Variants in RAB5IF observed in about 807,000 individuals in gnomAD.
RAB5IF encodes RAB5 interacting factor, also known as GEL complex subunit OPTI.
In RAB5IF, 15 loss-of-function variants were observed where a neutral mutation model predicts 20.3. The observed-to-expected ratio is 0.74, with a 90% CI of 0.50 to 1.14. The LOEUF (loss-of-function observed/expected upper bound fraction) is 1.14. Among genes scored for constraint, RAB5IF ranks in the 50% most tolerant of loss-of-function variants. The probability of loss-of-function intolerance (pLI) is 0.00; values close to 1 mark genes in which losing one functional copy is unlikely to be tolerated. For synonymous variants in RAB5IF, 67 were observed against 63.7 expected, an observed-to-expected ratio of 1.05 and a Z score of -0.25; for missense variants, 148 against 159.5, an observed-to-expected ratio of 0.93 and a Z score of 0.39.
At chr20:36,606,440 A>G (rs1384472963) in intron 1 of RAB5IF, among the ~76,000 whole-genome samples, 1 of 152,214 alleles carries the variant, frequency 6.6e-6, no homozygotes, top group Non-Finnish European at 1.5e-5. Flanking sequence ...AAGTAGCACA[A>G]ACATTAACAG....
chr20:36,609,954 C>G (rs1010290581), intron 3 of RAB5IF, among the ~76,000 whole-genome samples: 3 of 152,148 alleles, frequency 2.0e-5, no homozygotes, highest in African/African-American at 7.2e-5. Context: ...CCATCGTCAG[C>G]TTCTACATCT....
intron 3 of RAB5IF, 138 bp downstream of exon 3, chr20:36,609,868 G>C: frequency 6.7e-7 from 1 of 1,494,950 alleles, no homozygotes; most frequent in Non-Finnish European, 9.2e-7. Flanking sequence ...TCAGGGCCAT[G>C]GCCTGTGTTG....
rs540088273 is a variant in RAB5IF, at chr20:36,611,757, C to A, written c.349-253C>A. Among the ~76,000 whole-genome samples, 9 of 152,172 alleles carry A rather than the reference C, an allele frequency of 5.9e-5. No individual in the cohort carries two copies. In the South Asian group the frequency reaches 1.9e-3, roughly 32 times the overall value. ...CATTTCCACATCTGCACCTCAATTC[C>A]CTGGGCCTGGGGTTGCCATTTGGTA... On this transcript the variant is annotated intron_variant, in intron 3 of 3. Transcript: ENST00000344795.
rs1036681930 is a variant in RAB5IF, at chr20:36,612,535, T to A, written c.*484T>A. Reference sequence around the variant, plus strand: ...TGTAGAATGTTTTCACATACTTGAATAAATCAAATCTTTAATTGAGAACCT... The same window carrying A: ...TGTAGAATGTTTTCACATACTTGAAAAAATCAAATCTTTAATTGAGAACCT... On this transcript the variant is annotated 3_prime_UTR_variant, in exon 4 of 4. Transcript: ENST00000344795. 5.2e-6 allele frequency: 2 copies of A among 383,904 alleles called. No individual in the cohort carries two copies. The highest frequency in any genetic ancestry group is 4.1e-5 in the African/African-American group (2 of 48,912). 23.8% of individuals were successfully genotyped at this position (383,904 alleles called of 1,614,324 possible).
chr20:36,611,959 C>G (rs186276156), intron 3 of RAB5IF, 51 bp from the exon 4 acceptor site: 1 of 1,605,536 alleles, frequency 6.2e-7, no homozygotes, highest in East Asian at 2.2e-5. Flanking sequence ...TTTGTGGAAT[C>G]GGCCTGTGTT....
chr20:36,609,251 A>C (rs987142265), intron 2 of RAB5IF, among the ~76,000 whole-genome samples: 4 of 135,024 alleles, frequency 3.0e-5, no homozygotes, highest in Admixed American at 7.2e-5. Context: ...ACACACACAC[A>C]CACACTATAT....
intron 3 of RAB5IF, among the ~76,000 whole-genome samples, chr20:36,610,437 C>T (rs2039080465): frequency 6.6e-6 from 1 of 152,122 alleles, no homozygotes; most frequent in Non-Finnish European, 1.5e-5. Context: ...CGCGGTCGCT[C>T]ACACCTGTAA....
At chr20:36,608,060 C>T in intron 2 of RAB5IF, 7 of 987,620 alleles carry the variant, frequency 7.1e-6, no homozygotes, top group Non-Finnish European at 1.0e-5. Context: ...ATTCATGGGT[C>T]TAAAGTGACC....
Position 36,609,211 on chromosome 20 carries a change from GCACACACGCACA to G in RAB5IF, c.219-382_219-371del, listed in dbSNP as rs1360587354. 1.7e-3 allele frequency among the ~76,000 whole-genome samples: 63 copies of G among 36,624 alleles called. 1 individual carries two copies. Among genetic ancestry groups the G allele is most frequent in the Non-Finnish European group, 2.7e-3 (52 of 19,532 alleles). The allele number at this position is 36,624 out of a possible 152,430, so 24.0% of individuals were successfully genotyped here. A position where few individuals can be genotyped will look rare whatever the true frequency, so the allele number is the denominator to read the frequency against. ...CACACACACGCACACACGCACACACGCACACACGCACACACACACACACACACACACACACAC... is the reference window on the plus strand; with the variant it reads ...CACACACACGCACACACGCACACACGCACACACACACACACACACACACAC... On this transcript the variant is annotated intron_variant, in intron 2 of 3. Transcript: ENST00000344795.
intron 3 of RAB5IF, 32 bp downstream of exon 3, chr20:36,609,762 CT>C (rs2039064431): frequency 6.2e-7 from 1 of 1,613,950 alleles, no homozygotes; most frequent in African/African-American, 1.3e-5. Context: ...ACAACAGGTA[CT>C]GTTCATTTCA....
In RAB5IF at chr20:36,605,994, C is replaced by G; in HGVS notation, c.43C>G (p.Leu15Val). 3 of 1,524,686 alleles carry G rather than the reference C, an allele frequency of 2.0e-6. No individual in the cohort carries two copies. In the East Asian group the frequency reaches 7.8e-5, roughly 39 times the overall value. 94.4% of individuals were successfully genotyped at this position (1,524,686 alleles called of 1,614,324 possible). The change falls in exon 1 of 4, where the codon CTG becomes GTG. Residue 15 changes from leucine (L) to valine (V), a missense_variant. Transcript: ENST00000344795. The part of the protein sequence containing the change: ...RRKEEPPQPQ[L>V]ANGALKVSVW... Reference sequence around the variant, plus strand: ...GAAGGAGGAGCCGCCTCAGCCGCAGCTGGCCAACGGGGCCCTCAAAGTCTC... The same window carrying G: ...GAAGGAGGAGCCGCCTCAGCCGCAGGTGGCCAACGGGGCCCTCAAAGTCTC...
At chr20:36,609,181 A>G (rs2039019983) in intron 2 of RAB5IF, among the ~76,000 whole-genome samples, 1 of 39,012 alleles carries the variant, frequency 2.6e-5, no homozygotes, top group South Asian at 1.0e-3. Context: ...ACACACACAC[A>G]CACACACACA....
At chr20:36,609,129 A>T (rs2147960446) in intron 2 of RAB5IF, among the ~76,000 whole-genome samples, 1 of 146,148 alleles carries the variant, frequency 6.8e-6, no homozygotes. Flanking sequence ...CCATTCTGTT[A>T]CTTCAAGGGG....
At chr20:36,611,749 C>G (rs918148399) in intron 3 of RAB5IF, among the ~76,000 whole-genome samples, 2 of 152,042 alleles carry the variant, frequency 1.3e-5, no homozygotes, top group Non-Finnish European at 2.9e-5. Context: ...ACATCTGCAC[C>G]TCAATTCCCT....
chr20:36,609,182 C>CACACACACAA lies in RAB5IF; in HGVS notation c.219-410_219-409insAACACACACA, dbSNP rs2039020987. 5.0e-5 allele frequency among the ~76,000 whole-genome samples: 2 copies of CACACACACAA among 39,694 alleles called. 1 individual carries two copies. Among genetic ancestry groups the CACACACACAA allele is most frequent in the Non-Finnish European group, 9.6e-5 (2 of 20,788 alleles). The allele number at this position is 39,694 out of a possible 152,430, so 26.0% of individuals were successfully genotyped here. On this transcript the variant is annotated intron_variant, in intron 2 of 3. Coordinates refer to ENST00000344795, the MANE Select transcript of RAB5IF (RefSeq NM_018840.5). ...ACACACACACACACACACACACACA[C>CACACACACAA]ACACACACACACGCACACACGCACA...
Position 36,607,808 on chromosome 20 carries a change from G to A in RAB5IF, c.208G>A (p.Gly70Arg), listed in dbSNP as rs1464493523. 1 of 1,613,660 alleles carries A rather than the reference G, an allele frequency of 6.2e-7. No homozygotes were observed. Among genetic ancestry groups the A allele is most frequent in the Non-Finnish European group, 8.5e-7 (1 of 1,179,832 alleles). ...AGTTTTGCCATTACGAGGGTTCTTGGGAATAGCAGGGTAAGTCTTGGGTAT... is the reference window on the plus strand; with the variant it reads ...AGTTTTGCCATTACGAGGGTTCTTGAGAATAGCAGGGTAAGTCTTGGGTAT... ...WGVLPLRGFLGIAGFCLINAG... is the reference protein window; with the variant it reads ...WGVLPLRGFLRIAGFCLINAG... Residue 70 changes from glycine to arginine, a missense_variant, in exon 2 of 4, where the codon GGA becomes AGA. Physicochemically the swap from Gly to Arg is moderately radical, Grantham distance 125 (BLOSUM62 -2). Transcript: ENST00000344795.
At position 36,606,012 on chromosome 20, in the gene RAB5IF, A is replaced by G; in HGVS notation, c.61A>G (p.Lys21Glu). Residue 21 changes from lysine to glutamate, a missense_variant, in exon 1 of 4, where the codon AAA (lysine) becomes GAA (glutamate). Lys to Glu is a moderately conservative substitution (Grantham distance 56). Coordinates refer to ENST00000344795, the MANE Select transcript of RAB5IF (RefSeq NM_018840.5). ...PQPQLANGAL[K>E]VSVWSKVLRS... ...GCCGCAGCTGGCCAACGGGGCCCTC[A>G]AAGTCTCCGTCTGGAGTAAGGTGCT... The G allele has an allele frequency of 3.3e-6, 5 of 1,529,430 alleles. No homozygotes were observed. In the South Asian group the frequency reaches 3.7e-5, roughly 11 times the overall value. The allele number at this position is 1,529,430 out of a possible 1,614,324, so 94.7% of individuals were successfully genotyped here.
Position 36,608,276 on chromosome 20 carries a change from A to C in RAB5IF, c.218+458A>C, listed in dbSNP as rs1206885198. 7.6e-5 allele frequency: 19 copies of C among 250,508 alleles called. No homozygotes were observed. The Admixed American group carries it at 9.5e-4, about 13-fold the overall frequency. 15.5% of individuals were successfully genotyped at this position (250,508 alleles called of 1,614,324 possible). A position where few individuals can be genotyped will look rare whatever the true frequency, so the allele number is the denominator to read the frequency against. On this transcript the variant is annotated intron_variant, in intron 2 of 3. Coordinates refer to ENST00000344795, the MANE Select transcript of RAB5IF (RefSeq NM_018840.5). ...TTTTGTTTTTTTGAGATAGGGCCGC[A>C]CTTTGTTGCCCAGGTGGGAGCACAC...
chr20:36,610,797 T>C (rs2039092363), intron 3 of RAB5IF, among the ~76,000 whole-genome samples: 2 of 151,914 alleles, frequency 1.3e-5, no homozygotes, highest in South Asian at 4.1e-4. Context: ...CAAAAGACCA[T>C]GTGTTGTGTA....
Sources: gnomAD v4.1 joint callset for allele counts (sites outside exome capture counted in the v4.1 genomes callset) on GRCh38, gnomAD v4.1.1 for gene constraint, MANE v1.5 for transcripts, NCBI Gene and HGNC (gene_info 2026-07-23, HGNC 2026-07-21) for gene names.